Variants in NF1 observed in about 807,000 individuals in gnomAD.
NF1 encodes the protein neurofibromin 1.
Under a neutral mutation model 325.7 loss-of-function variants are expected in NF1, and 122 were observed. The ratio of observed to expected loss-of-function variants is 0.37; its 90% CI spans 0.32 to 0.44. NF1 has a LOEUF of 0.44. Ranked by LOEUF, NF1 falls within the 20% of genes least tolerant of loss-of-function variation. NF1 has a pLI of 1.00. For missense variants in NF1, 2,140 were observed against 3,415.4 expected (o/e 0.63, Z 9.31); for synonymous variants, 1,091 against 1,186.0 (o/e 0.92, Z 1.65).
intron 2 of NF1, among the ~76,000 whole-genome samples, chr17:31,157,070 T>TC (rs2065676730): frequency 6.6e-6 from 1 of 152,062 alleles, no homozygotes; most frequent in Non-Finnish European, 1.5e-5. Context: ...TACTGTAACC[T>TC]CCCCCTTCCC....
At chr17:31,149,283 CACACACAT>C (rs1226204245) in intron 1 of NF1, among the ~76,000 whole-genome samples, 162 of 150,660 alleles carry the variant, frequency 1.1e-3, no homozygotes, top group South Asian at 2.3e-3. Context: ...CATGTACACA[CACACACAT>C]ACACACACAC....
intron 36 of NF1, among the ~76,000 whole-genome samples, chr17:31,293,107 G>T (rs376188820): frequency 7.1e-6 from 1 of 140,196 alleles, no homozygotes; most frequent in Non-Finnish European, 1.5e-5. Flanking sequence ...GAACCTGGGA[G>T]GGGGAGATTG....
At chr17:31,147,299 G>A (rs1171425144) in intron 1 of NF1, among the ~76,000 whole-genome samples, 6 of 152,172 alleles carry the variant, frequency 3.9e-5, no homozygotes, top group African/African-American at 1.4e-4. Context: ...GCATGGTTTT[G>A]AAATTTATGT....
chr17:31,313,866 T>G, intron 36 of NF1: 1 of 389,732 alleles, frequency 2.6e-6, no homozygotes, highest in Non-Finnish European at 4.5e-6. Context: ...CACAAAAACC[T>G]GTTATAGACA....
chr17:31,352,180 G>C (rs2151576642), intron 50 of NF1, 77 bp from the exon 51 acceptor site: 1 of 1,375,900 alleles, frequency 7.3e-7, no homozygotes, highest in East Asian at 2.3e-5. Flanking sequence ...AAATAGGACA[G>C]CCACTTGGAA....
chr17:31,274,280 T>C (rs756617279), intron 36 of NF1, among the ~76,000 whole-genome samples: 1 of 152,158 alleles, frequency 6.6e-6, no homozygotes, highest in Non-Finnish European at 1.5e-5. Context: ...TGTCTTTTGG[T>C]CAGCCGTTTT....
At chr17:31,172,351 G>GTCTC (rs968759244) in intron 5 of NF1, among the ~76,000 whole-genome samples, 4 of 39,398 alleles carry the variant, frequency 1.0e-4, no homozygotes, top group Non-Finnish European at 1.3e-4. Context: ...CTGTCTCTCT[G>GTCTC]TCTCTCTCTC....
At chr17:31,283,650 G>A (rs1486581045) in intron 36 of NF1, among the ~76,000 whole-genome samples, 4 of 151,798 alleles carry the variant, frequency 2.6e-5, no homozygotes, top group Admixed American at 6.6e-5. Context: ...GAAACACCAT[G>A]TCTAGCTGAT....
intron 7 of NF1, among the ~76,000 whole-genome samples, chr17:31,182,097 A>T (rs1184874874): frequency 6.6e-6 from 1 of 152,102 alleles, no homozygotes; most frequent in Non-Finnish European, 1.5e-5. Flanking sequence ...GTATTTAGGG[A>T]GATGTGTATA....
intron 31 of NF1, chr17:31,253,403 A>G (rs2067527479): frequency 2.1e-5 from 4 of 188,252 alleles, no homozygotes; most frequent in Non-Finnish European, 2.3e-5. Flanking sequence ...GTGTTTCTTA[A>G]TTGTTAGAAG....
In NF1 at chr17:31,326,140, T is replaced by C. The variant is rs1597830137; in HGVS notation, c.5156T>C (p.Ile1719Thr). ...IDCPGKLAEH[I>T]EHEQQKLPAA... is the part of the protein sequence containing the mutation. ...TGTCCTGGGAAACTGGCTGAGCACA[T>C]AGAGCATGAACAACAGAAACTACCT... The change falls in exon 37 of 58, where the codon ATA becomes ACA. Residue 1719 changes from isoleucine (I) to threonine (T), a missense_variant. By Grantham distance (89) the Ile-to-Thr change is moderately conservative. Around this residue, in one of 10 missense-constraint regions of NF1, gnomAD observed 147 missense variants for 186.7 expected, o/e 0.79. Coordinates refer to ENST00000358273, the MANE Select transcript of NF1 (RefSeq NM_001042492.3). 1 of 1,613,114 alleles carries C rather than the reference T, an allele frequency of 6.2e-7. No individual in the cohort carries two copies. The highest frequency in any genetic ancestry group is 1.3e-5 in the African/African-American group (1 of 74,956).
rs144029644 is a variant in NF1, at chr17:31,240,258, A to G, written c.3974+4237A>G. On this transcript the variant is annotated intron_variant, in intron 29 of 57. Transcript: ENST00000358273. ...TACACTTCCCAGCCTCTGGGTAACT[A>G]TCATTCTACTCTCTATCTCCATGAG... 9.5e-3 allele frequency among the ~76,000 whole-genome samples: 1,431 copies of G among 151,372 alleles called. 22 individuals are homozygous for G. Among genetic ancestry groups the G allele is most frequent in the African/African-American group, 0.033 (1,347 of 41,118 alleles).
At chr17:31,263,656 A>AAT (rs969787744) in intron 35 of NF1, among the ~76,000 whole-genome samples, 3 of 151,620 alleles carry the variant, frequency 2.0e-5, no homozygotes, top group Non-Finnish European at 4.4e-5. Context: ...TAAGTAATCC[A>AAT]ATATATATAA....
At chr17:31,124,355 A>G (rs1252289220) in intron 1 of NF1, among the ~76,000 whole-genome samples, 2 of 150,074 alleles carry the variant, frequency 1.3e-5, no homozygotes, top group Admixed American at 1.3e-4. Flanking sequence ...GTGAACCACC[A>G]CTCCTGGCCT....
intron 1 of NF1, among the ~76,000 whole-genome samples, chr17:31,128,279 T>C (rs1915057121): frequency 6.6e-6 from 1 of 152,096 alleles, no homozygotes; most frequent in Non-Finnish European, 1.5e-5. Context: ...TTATTGAGCT[T>C]GTCACTCAGT....
Position 31,376,356 on chromosome 17 carries a change from G to A in NF1, c.*2201G>A, listed in dbSNP as rs7406983. The A allele has an allele frequency of 0.42, 98,106 of 232,640 alleles. 24,917 individuals carry two copies. Among genetic ancestry groups the A allele is most frequent in the African/African-American group, 0.76 (34,609 of 45,348 alleles). The allele number at this position is 232,640 out of a possible 1,614,324, so 14.4% of individuals were successfully genotyped here. ...AAAAATACTGATATTTCCATAAACG[G>A]GTTTACCAAGGGTGTAGTATTTCAT... On this transcript the variant is annotated 3_prime_UTR_variant, in exon 58 of 58. Transcript: ENST00000358273.
In NF1 at chr17:31,232,154, G is replaced by T. The variant is rs769134583; in HGVS notation, c.3279G>T (p.Val1093=). Reference sequence around the variant, plus strand: ...TGCAGCCTGAAGAAGGAGATGGTGTGGAATTGATGGAAGCCAAATCACAGT... The same window carrying T: ...TGCAGCCTGAAGAAGGAGATGGTGTTGAATTGATGGAAGCCAAATCACAGT... The part of the protein sequence containing the change: ...LPLQPEEGDG[V]ELMEAKSQLF... Residue 1093 remains valine (V), a synonymous_variant, in exon 25 of 58, where the codon GTG becomes GTT. Transcript: ENST00000358273. The T allele has an allele frequency of 6.2e-7, 1 of 1,608,266 alleles. No homozygotes were observed. The highest frequency in any genetic ancestry group is 8.5e-7 in the Non-Finnish European group (1 of 1,177,478).
chr17:31,309,225 T>C (rs2068807101), intron 36 of NF1, among the ~76,000 whole-genome samples: 1 of 152,234 alleles, frequency 6.6e-6, no homozygotes, highest in Non-Finnish European at 1.5e-5. Context: ...TATTTTGATT[T>C]CTTTGTAGTT....
chr17:31,268,574 C>T (rs1171936682), intron 36 of NF1, among the ~76,000 whole-genome samples: 1 of 149,642 alleles, frequency 6.7e-6, no homozygotes, highest in Non-Finnish European at 1.5e-5. Flanking sequence ...TTGCAGTGAA[C>T]CAAGATTGCA....
Sources: allele counts gnomAD v4.1 joint callset (sites outside exome capture counted in the v4.1 genomes callset), GRCh38; gene constraint gnomAD v4.1.1; regional missense constraint gnomAD v4.1.1; transcripts MANE v1.5; gene names NCBI Gene and HGNC (gene_info 2026-07-23, HGNC 2026-07-21).